CWC27: variants seen among roughly 807,000 people sequenced by gnomAD.
CWC27 encodes CWC27 spliceosome associated cyclophilin.
Under a neutral mutation model 63.6 loss-of-function variants are expected in CWC27, and 47 were observed. The observed-to-expected ratio is 0.74, with a 90% CI of 0.58 to 0.94. CWC27 has a LOEUF of 0.94. Ranked by LOEUF, CWC27 falls within the 40% of genes least tolerant of loss-of-function variation. The pLI is 0.00. For synonymous variants in CWC27, 175 were observed against 179.8 expected (o/e 0.97, Z 0.22); for missense variants, 495 against 554.3 (o/e 0.89, Z 1.07).
chr5:64,936,506 A>G (rs1476521642), intron 11 of CWC27, among the ~76,000 whole-genome samples: 1 of 152,180 alleles, frequency 6.6e-6, no homozygotes, highest in Non-Finnish European at 1.5e-5. Context: ...GTTTGCCAGT[A>G]TCTTATTGAG....
chr5:64,943,441 G>T (rs180826423), intron 11 of CWC27, among the ~76,000 whole-genome samples: 3 of 152,108 alleles, frequency 2.0e-5, no homozygotes, highest in Admixed American at 6.5e-5. Flanking sequence ...GCCCCTTAGC[G>T]TTCTGTACTA....
chr5:64,899,167 A>G (rs1747447595), intron 11 of CWC27, among the ~76,000 whole-genome samples: 1 of 152,212 alleles, frequency 6.6e-6, no homozygotes, highest in Non-Finnish European at 1.5e-5. Flanking sequence ...GTTATATAAT[A>G]TGAACAAAAT....
rs112180202 is a variant in CWC27 at position 64,814,661 on chromosome 5, A to G, written c.938+10275A>G. ...GAACCTGCAATGGTATGACACCTCT[A>G]CAGAGCCTAGAGAGGGGTTGGCCAG... On this transcript the variant is annotated intron_variant, in intron 10 of 13. Coordinates refer to ENST00000381070, the MANE Select transcript of CWC27 (RefSeq NM_005869.4). Among the ~76,000 whole-genome samples, 611 of 152,304 alleles carry G rather than the reference A, an allele frequency of 4.0e-3. 3 individuals carry two copies. Among genetic ancestry groups the G allele is most frequent in the African/African-American group, 0.014 (570 of 41,562 alleles).
chr5:64,921,709 C>T (rs1292487175), intron 11 of CWC27, among the ~76,000 whole-genome samples: 1 of 151,996 alleles, frequency 6.6e-6, no homozygotes, highest in Non-Finnish European at 1.5e-5. Context: ...ATGTTGTTAC[C>T]TGTGTGTTAT....
At chr5:64,887,629 A>G (rs1436417836) in intron 11 of CWC27, among the ~76,000 whole-genome samples, 2 of 152,188 alleles carry the variant, frequency 1.3e-5, no homozygotes, top group Non-Finnish European at 2.9e-5. Flanking sequence ...CAGCAGTGTC[A>G]GAATGTTCTG....
At chr5:64,771,438 C>T (rs1354123804) in intron 1 of CWC27, among the ~76,000 whole-genome samples, 1 of 152,170 alleles carries the variant, frequency 6.6e-6, no homozygotes, top group African/African-American at 2.4e-5. Flanking sequence ...CATAAATGTT[C>T]TGTGTTTTGC....
At chr5:64,985,361 G>A (rs1334321581) in intron 13 of CWC27, among the ~76,000 whole-genome samples, 1 of 152,094 alleles carries the variant, frequency 6.6e-6, no homozygotes, top group Non-Finnish European at 1.5e-5. Flanking sequence ...TCAGTCTGAG[G>A]AGAATTGACA....
chr5:64,834,335 C>G (rs1745602582), intron 10 of CWC27, among the ~76,000 whole-genome samples: 1 of 151,522 alleles, frequency 6.6e-6, no homozygotes, highest in Admixed American at 6.6e-5. Context: ...CTCATACTAC[C>G]TTAGTATTCT....
intron 11 of CWC27, among the ~76,000 whole-genome samples, chr5:64,902,227 T>G (rs1747525844): frequency 6.6e-6 from 1 of 151,736 alleles, no homozygotes; most frequent in South Asian, 2.1e-4. Context: ...TGTAGATTTG[T>G]TTACACCAGC....
At chr5:64,831,208 A>C (rs894493677) in intron 10 of CWC27, among the ~76,000 whole-genome samples, 1 of 151,974 alleles carries the variant, frequency 6.6e-6, no homozygotes, top group Non-Finnish European at 1.5e-5. Context: ...CCATTTTTCA[A>C]AATGTTGTAT....
chr5:64,939,066 C>T (rs578240126), intron 11 of CWC27, among the ~76,000 whole-genome samples: 6 of 152,222 alleles, frequency 3.9e-5, no homozygotes, highest in African/African-American at 1.4e-4. Flanking sequence ...TCCTTTAGCT[C>T]AAAGGAGTTT....
intron 10 of CWC27, among the ~76,000 whole-genome samples, chr5:64,873,076 A>G (rs779800664): frequency 1.3e-5 from 2 of 152,228 alleles, no homozygotes; most frequent in Non-Finnish European, 2.9e-5. Flanking sequence ...GCAATAGAGC[A>G]GAAAGAAAAG....
chr5:64,828,193 T>C (rs1745418643), intron 10 of CWC27, among the ~76,000 whole-genome samples: 1 of 152,130 alleles, frequency 6.6e-6, no homozygotes, highest in South Asian at 2.1e-4. Context: ...TTAAGAAAAA[T>C]GTATTAGGCA....
chr5:64,832,247 C>A (rs576176241), intron 10 of CWC27, among the ~76,000 whole-genome samples: 1 of 146,338 alleles, frequency 6.8e-6, no homozygotes, highest in Non-Finnish European at 1.5e-5. Flanking sequence ...AATGTTGATA[C>A]ATCTTGTTCT....
At chr5:64,974,696 A>G (rs1749193343) in intron 12 of CWC27, among the ~76,000 whole-genome samples, 1 of 152,228 alleles carries the variant, frequency 6.6e-6, no homozygotes, top group Non-Finnish European at 1.5e-5. Flanking sequence ...AATAGTAGAT[A>G]TAGATAGATA....
At chr5:64,781,829 A>G (rs1045028931) in intron 2 of CWC27, 92 bp from the exon 3 acceptor site, 27 of 570,888 alleles carry the variant, frequency 4.7e-5, no homozygotes, top group Non-Finnish European at 6.4e-5. Flanking sequence ...CATTCTGGAA[A>G]ATAAATCTTT....
intron 11 of CWC27, among the ~76,000 whole-genome samples, chr5:64,951,778 A>G (rs1191048400): frequency 6.6e-6 from 1 of 151,972 alleles, no homozygotes; most frequent in Non-Finnish European, 1.5e-5. Context: ...CACTTAGCAC[A>G]ATGTTTCCAA....
intron 11 of CWC27, among the ~76,000 whole-genome samples, chr5:64,941,406 G>A (rs1748476265): frequency 6.6e-6 from 1 of 152,090 alleles, no homozygotes; most frequent in South Asian, 2.1e-4. Flanking sequence ...CTCCAATAGT[G>A]AGAATACTTG....
chr5:64,783,729 C>T, intron 3 of CWC27, 107 bp from the exon 4 acceptor site: 1 of 938,082 alleles, frequency 1.1e-6, no homozygotes. Flanking sequence ...AGTAAAATGT[C>T]TGCATTTTTT....
Sources: allele counts gnomAD v4.1 joint callset (sites outside exome capture counted in the v4.1 genomes callset), GRCh38; gene constraint gnomAD v4.1.1; transcripts MANE v1.5; gene names NCBI Gene and HGNC (gene_info 2026-07-23, HGNC 2026-07-21).